SGCZ: variants seen among roughly 807,000 people sequenced by gnomAD.
SGCZ encodes the protein sarcoglycan zeta.
Under a neutral mutation model 41.3 loss-of-function variants are expected in SGCZ, and 40 were observed. The observed-to-expected ratio is 0.97, with a 90% CI of 0.75 to 1.26. The LOEUF is 1.26. Among genes scored for constraint, SGCZ ranks in the 50% most tolerant of loss-of-function variants. SGCZ has a pLI of 0.00. For synonymous variants in SGCZ, 206 were observed against 137.5 expected (o/e 1.50, Z -3.49); for missense variants, 552 against 369.8 (o/e 1.49, Z -4.04).
chr8:14,587,654 C>T (rs754503688), intron 1 of SGCZ, among the ~76,000 whole-genome samples: 9 of 152,118 alleles, frequency 5.9e-5, no homozygotes, highest in African/African-American at 1.9e-4. Context: ...ATATATGCAG[C>T]CAATCTAATA....
chr8:14,556,357 T>C (rs538056980), intron 1 of SGCZ, among the ~76,000 whole-genome samples: 57 of 151,796 alleles, frequency 3.8e-4, no homozygotes, highest in South Asian at 1.7e-3. Context: ...TTAAATTATA[T>C]GTTAAGTAAT....
At chr8:14,855,392 G>T (rs939418122) in intron 1 of SGCZ, among the ~76,000 whole-genome samples, 3 of 152,028 alleles carry the variant, frequency 2.0e-5, no homozygotes, top group Non-Finnish European at 2.9e-5. Context: ...TCTGTACTTC[G>T]TGCTCACTAT....
At chr8:14,231,196 T>TGTGTGTGTGTGTGTGTGTGTGG (rs1554483289) in intron 4 of SGCZ, among the ~76,000 whole-genome samples, 1 of 101,350 alleles carries the variant, frequency 9.9e-6, no homozygotes, top group South Asian at 3.2e-4. Context: ...TGTGTGTGTG[T>TGTGTGTGTGTGTGTGTGTGTGG]AGTGGGGAGA....
At chr8:14,250,870 T>A (rs1799258214) in intron 3 of SGCZ, among the ~76,000 whole-genome samples, 1 of 152,280 alleles carries the variant, frequency 6.6e-6, no homozygotes, top group Admixed American at 6.5e-5. Context: ...TTTAATCATG[T>A]TGACTTTTCT....
intron 2 of SGCZ, among the ~76,000 whole-genome samples, chr8:14,508,020 C>T (rs1386557455): frequency 6.6e-6 from 1 of 152,106 alleles, no homozygotes; most frequent in Non-Finnish European, 1.5e-5. Flanking sequence ...ATCTGGCCGC[C>T]TCGGCCTCCC....
At chr8:14,958,573 C>A (rs1277826795) in intron 1 of SGCZ, among the ~76,000 whole-genome samples, 2 of 151,812 alleles carry the variant, frequency 1.3e-5, no homozygotes, top group Non-Finnish European at 2.9e-5. Context: ...GAGGTGGAAA[C>A]TGACTAGAAA....
chr8:14,582,653 C>T (rs10103444), intron 1 of SGCZ, among the ~76,000 whole-genome samples: 2,044 of 104,862 alleles, frequency 0.019, 78 homozygotes, highest in African/African-American at 0.075. Context: ...TGCTATCCCT[C>T]CCCCCTCCCC....
Position 14,289,256 on chromosome 8 carries a change from T to C in SGCZ, c.336+34847A>G, listed in dbSNP as rs143574083. ...TTTCTTGATACTGTCCTTTAATGAGTATTTTTTTAATTATGAAGAAGTATA... is the reference window on the plus strand; with the variant it reads ...TTTCTTGATACTGTCCTTTAATGAGCATTTTTTTAATTATGAAGAAGTATA... On this transcript the variant is annotated intron_variant, in intron 3 of 7. Coordinates refer to ENST00000382080, the MANE Select transcript of SGCZ (RefSeq NM_139167.4). 3.6e-3 allele frequency among the ~76,000 whole-genome samples: 546 copies of C among 151,936 alleles called. 6 individuals carry two copies. Among genetic ancestry groups the C allele is most frequent in the African/African-American group, 0.013 (534 of 41,488 alleles).
intron 1 of SGCZ, among the ~76,000 whole-genome samples, chr8:14,609,835 AC>A (rs1399940358): frequency 6.6e-6 from 1 of 152,202 alleles, no homozygotes; most frequent in Non-Finnish European, 1.5e-5. Flanking sequence ...AGAAAAAAAA[AC>A]AGCAGGCTAA....
Position 14,827,241 on chromosome 8 carries a change from T to C in SGCZ, c.40-272315A>G, listed in dbSNP as rs1404585098. 1.6e-4 allele frequency among the ~76,000 whole-genome samples: 23 copies of C among 147,764 alleles called. No homozygotes were observed. The East Asian group carries it at 1.8e-3, about 11-fold the overall frequency. On this transcript the variant is annotated intron_variant, in intron 1 of 7. Transcript: ENST00000382080. ...ATCACATTTTCTTTTCTTTTCTTTT[T>C]TTTTTTTTTTTTTGAGACAAAGTCT...
At chr8:14,743,847 G>T (rs1165528630) in intron 1 of SGCZ, among the ~76,000 whole-genome samples, 1 of 152,116 alleles carries the variant, frequency 6.6e-6, no homozygotes, top group African/African-American at 2.4e-5. Context: ...AAACTATGAA[G>T]ATAGAAAATA....
intron 1 of SGCZ, among the ~76,000 whole-genome samples, chr8:14,971,618 G>T (rs1305983210): frequency 6.8e-6 from 1 of 147,776 alleles, no homozygotes; most frequent in East Asian, 2.0e-4. Context: ...ATCTCATGTG[G>T]TCATGAGGCA....
At chr8:14,832,010 A>T (rs935221999) in intron 1 of SGCZ, among the ~76,000 whole-genome samples, 6 of 152,130 alleles carry the variant, frequency 3.9e-5, no homozygotes, top group African/African-American at 1.4e-4. Context: ...ATAAATAGTA[A>T]TTGGTAGTTA....
At chr8:14,900,466 C>G (rs571784404) in intron 1 of SGCZ, among the ~76,000 whole-genome samples, 2 of 152,066 alleles carry the variant, frequency 1.3e-5, no homozygotes, top group Admixed American at 6.5e-5. Flanking sequence ...GCACAGAAAT[C>G]AACCAACGAA....
chr8:14,225,123 G>A (rs183721811), intron 4 of SGCZ, among the ~76,000 whole-genome samples: 39 of 152,046 alleles, frequency 2.6e-4, no homozygotes, highest in East Asian at 1.2e-3. Context: ...CTAGTTTTAC[G>A]TTACTTGCAT....
intron 1 of SGCZ, among the ~76,000 whole-genome samples, chr8:15,118,872 A>G (rs572045981): frequency 6.6e-6 from 1 of 152,120 alleles, no homozygotes; most frequent in Non-Finnish European, 1.5e-5. Context: ...CTGCTATGGT[A>G]TTGGCTTTTT....
At chr8:14,683,127 G>T (rs1434229010) in intron 1 of SGCZ, among the ~76,000 whole-genome samples, 1 of 152,170 alleles carries the variant, frequency 6.6e-6, no homozygotes, top group Non-Finnish European at 1.5e-5. Context: ...CTTCAAGTAT[G>T]TCACAAAATC....
At chr8:15,172,182 G>C (rs1326318761) in intron 1 of SGCZ, among the ~76,000 whole-genome samples, 1 of 10,486 alleles carries the variant, frequency 9.5e-5, no homozygotes, top group Non-Finnish European at 1.8e-4. Flanking sequence ...TTTTTTTTGA[G>C]ACGGAGTTTC....
intron 3 of SGCZ, among the ~76,000 whole-genome samples, chr8:14,318,283 C>T (rs796229244): frequency 9.2e-5 from 14 of 151,616 alleles, no homozygotes; most frequent in African/African-American, 3.4e-4. Context: ...AAGAAAGGAT[C>T]CTACCTAATA....
Sources: allele counts gnomAD v4.1 joint callset (sites outside exome capture counted in the v4.1 genomes callset), GRCh38; gene constraint gnomAD v4.1.1; transcripts MANE v1.5; gene names NCBI Gene and HGNC (gene_info 2026-07-23, HGNC 2026-07-21).